Variants in OPCML observed in about 807,000 individuals in gnomAD.
OPCML encodes the protein opioid binding protein/cell adhesion molecule like.
OPCML carries 13 observed loss-of-function variants against 37.8 expected under a neutral mutation model. The observed-to-expected ratio is 0.34, with a 90% confidence interval of 0.22 to 0.55. OPCML has a LOEUF of 0.55. OPCML is among the 20% of genes least tolerant of loss of function. OPCML has a pLI of 0.91. For missense variants in OPCML, 341 were observed against 435.6 expected, an observed-to-expected ratio of 0.78 and a Z score of 1.93; for synonymous variants, 176 against 168.8, an observed-to-expected ratio of 1.04 and a Z score of -0.33.
intron 4 of OPCML, among the ~76,000 whole-genome samples, chr11:132,527,153 G>A (rs183925917): frequency 6.6e-5 from 10 of 151,384 alleles, no homozygotes; most frequent in South Asian, 4.2e-4. Flanking sequence ...TGGGTTATTC[G>A]TCGTTTACAG....
intron 2 of OPCML, among the ~76,000 whole-genome samples, chr11:132,750,253 A>G (rs1591554224): frequency 6.6e-6 from 1 of 152,228 alleles, no homozygotes; most frequent in African/African-American, 2.4e-5. Context: ...TAAAATTTAT[A>G]TATTGAAAAC....
chr11:132,836,868 G>C (rs556427259), intron 2 of OPCML, among the ~76,000 whole-genome samples: 8 of 152,286 alleles, frequency 5.3e-5, no homozygotes, highest in Admixed American at 5.2e-4. Flanking sequence ...GCTGGCATCA[G>C]AGAAGGCAGA....
chr11:133,191,536 T>TGTGTGTGA (rs1213488684), intron 1 of OPCML, among the ~76,000 whole-genome samples: 110 of 151,118 alleles, frequency 7.3e-4, no homozygotes, highest in African/African-American at 2.5e-3. Flanking sequence ...TGTGTGTGTG[T>TGTGTGTGA]GACGGAGTTT....
At chr11:133,249,591 G>A (rs1941060217) in intron 1 of OPCML, among the ~76,000 whole-genome samples, 1 of 152,104 alleles carries the variant, frequency 6.6e-6, no homozygotes, top group Admixed American at 6.5e-5. Flanking sequence ...ACAGGGTTGA[G>A]ACACCAAGAC....
intron 1 of OPCML, among the ~76,000 whole-genome samples, chr11:133,287,819 G>A (rs1942347741): frequency 1.3e-5 from 2 of 152,192 alleles, no homozygotes; most frequent in Non-Finnish European, 2.9e-5. Flanking sequence ...GAAAACTGGA[G>A]AAGGAGGAAA....
chr11:132,657,974 T>C (rs973176141), intron 2 of OPCML, among the ~76,000 whole-genome samples: 5 of 152,234 alleles, frequency 3.3e-5, no homozygotes, highest in East Asian at 1.9e-4. Context: ...CCCTGTCCCA[T>C]TGGGAGACAG....
At chr11:133,498,252 G>C (rs544516694) in intron 1 of OPCML, among the ~76,000 whole-genome samples, 2 of 152,244 alleles carry the variant, frequency 1.3e-5, no homozygotes, top group South Asian at 4.1e-4. Context: ...GCTTCCCTGC[G>C]TTTTCTGCTT....
chr11:133,319,624 C>T lies in OPCML; in HGVS notation c.61+212640G>A, dbSNP rs187673403. ...ATAAAAACCTTGTTTTGCTTTCTCT[C>T]CTCTCGGCCCTCGTCTGCCACATCT... On this transcript the variant is annotated intron_variant, in intron 1 of 7. Coordinates refer to ENST00000524381, the MANE Select transcript of OPCML (RefSeq NM_001012393.5). 1.6e-3 allele frequency among the ~76,000 whole-genome samples: 246 copies of T among 152,348 alleles called. 1 individual carries two copies. The highest frequency in any genetic ancestry group is 5.6e-3 in the African/African-American group (231 of 41,584).
intron 1 of OPCML, among the ~76,000 whole-genome samples, chr11:133,394,589 C>T (rs918100988): frequency 3.9e-5 from 6 of 152,184 alleles, no homozygotes; most frequent in African/African-American, 1.4e-4. Context: ...AGTAACCATC[C>T]TTCTGCTCTC....
At chr11:133,120,926 TATTA>T (rs1336179592) in intron 1 of OPCML, among the ~76,000 whole-genome samples, 3 of 152,242 alleles carry the variant, frequency 2.0e-5, no homozygotes, top group Non-Finnish European at 2.9e-5. Flanking sequence ...CACCCCATCA[TATTA>T]ATTCTTTTTT....
At chr11:132,857,711 C>T (rs1404096548) in intron 2 of OPCML, among the ~76,000 whole-genome samples, 1 of 152,146 alleles carries the variant, frequency 6.6e-6, no homozygotes, top group Non-Finnish European at 1.5e-5. Context: ...AACAATATAG[C>T]TATTTTTCAT....
chr11:133,227,873 AC>A (rs1181183014), intron 1 of OPCML, among the ~76,000 whole-genome samples: 1 of 152,134 alleles, frequency 6.6e-6, no homozygotes, highest in African/African-American at 2.4e-5. Context: ...TGCGGTGCAA[AC>A]GCTGGGCCCT....
intron 2 of OPCML, among the ~76,000 whole-genome samples, chr11:132,818,660 A>ATATATATATATATATATAT (rs56858242): frequency 0.068 from 7,855 of 115,326 alleles, 514 homozygotes; most frequent in African/African-American, 0.098. Flanking sequence ...ATATATATAT[A>ATATATATATATATATATAT]GACAGATTAT....
intron 4 of OPCML, among the ~76,000 whole-genome samples, chr11:132,483,828 A>C (rs1223450703): frequency 6.6e-6 from 1 of 151,734 alleles, no homozygotes; most frequent in African/African-American, 2.4e-5. Flanking sequence ...AGGATTCCCT[A>C]TTTAATAAAT....
At chr11:133,298,509 C>T (rs1195373469) in intron 1 of OPCML, 6 of 152,140 alleles carry the variant, frequency 3.9e-5, no homozygotes, top group Non-Finnish European at 8.8e-5. Flanking sequence ...CCAAGGAAAA[C>T]TTGACTAGAA....
At chr11:133,451,704 G>A (rs961029970) in intron 1 of OPCML, among the ~76,000 whole-genome samples, 2 of 148,130 alleles carry the variant, frequency 1.4e-5, no homozygotes, top group South Asian at 2.1e-4. Flanking sequence ...TTCGCTGGGT[G>A]TGGTGGCGGG....
At chr11:132,536,930 CAT>C (rs2096342325) in intron 3 of OPCML, among the ~76,000 whole-genome samples, 1 of 152,088 alleles carries the variant, frequency 6.6e-6, no homozygotes. Flanking sequence ...CTTGTGTGCT[CAT>C]ATGTTTGTGT....
intron 3 of OPCML, among the ~76,000 whole-genome samples, chr11:132,638,537 A>T (rs1366621171): frequency 1.3e-5 from 2 of 152,204 alleles, no homozygotes; most frequent in African/African-American, 4.8e-5. Flanking sequence ...TGGTTAAAAG[A>T]TAACCAGCTG....
chr11:133,459,905 A>G (rs1462988425), intron 1 of OPCML, among the ~76,000 whole-genome samples: 1 of 152,062 alleles, frequency 6.6e-6, no homozygotes, highest in African/African-American at 2.4e-5. Flanking sequence ...TTCACCCAGC[A>G]ACAACAGAAT....
Sources: gnomAD v4.1 joint callset for allele counts (sites outside exome capture counted in the v4.1 genomes callset) on GRCh38, gnomAD v4.1.1 for gene constraint, MANE v1.5 for transcripts, NCBI Gene and HGNC (gene_info 2026-07-23, HGNC 2026-07-21) for gene names.